RCL1: variants seen among roughly 807,000 people sequenced by gnomAD.
RCL1 encodes the protein RNA 3'-terminal phosphate cyclase-like protein.
Under a neutral mutation model 42.4 loss-of-function variants are expected in RCL1, and 24 were observed. The ratio of observed to expected loss-of-function variants is 0.57; its 90% CI spans 0.41 to 0.80. RCL1 has a LOEUF of 0.80. Among genes scored for constraint, RCL1 ranks in the 30% least tolerant of loss-of-function variants. RCL1 has a pLI of 0.00. For missense variants in RCL1, 578 were observed against 467.9 expected (o/e 1.24, Z -2.17); for synonymous variants, 228 against 177.3 (o/e 1.29, Z -2.27).
chr9:4,854,031 C>G (rs941520234), intron 8 of RCL1, among the ~76,000 whole-genome samples: 1 of 152,176 alleles, frequency 6.6e-6, no homozygotes, highest in Non-Finnish European at 1.5e-5. Flanking sequence ...TTGCACAGTA[C>G]CACTATGTCT....
intron 8 of RCL1, among the ~76,000 whole-genome samples, chr9:4,853,660 A>G (rs1181243513): frequency 6.6e-5 from 10 of 152,138 alleles, no homozygotes. Flanking sequence ...GATTCCATCC[A>G]TATCGCTGGA....
chr9:4,793,219 G>C lies in RCL1; in HGVS notation c.128G>C (p.Gly43Ala). ...RKIRARDDNP[G>A]LRDFEASFIR... Reference sequence around the variant, plus strand: ...ATTCGGGCCAGAGACGACAACCCGGGCCTCCGAGGTAACTTGGTGTGGGCG... The same window carrying C: ...ATTCGGGCCAGAGACGACAACCCGGCCCTCCGAGGTAACTTGGTGTGGGCG... The change falls in exon 1 of 9, where the codon GGC becomes GCC. Residue 43 changes from glycine (G) to alanine (A), a missense_variant. Gly to Ala is a moderately conservative substitution (Grantham distance 60). Transcript: ENST00000381750. The C allele has an allele frequency of 6.3e-7, 1 of 1,598,728 alleles. No individual in the cohort carries two copies. The highest frequency in any genetic ancestry group is 8.5e-7 in the Non-Finnish European group (1 of 1,172,706).
intron 4 of RCL1, 109 bp downstream of exon 4, chr9:4,833,337 C>A: frequency 1.2e-6 from 1 of 810,178 alleles, no homozygotes; most frequent in East Asian, 2.5e-5. Flanking sequence ...TTGAAGTCAC[C>A]AGTTATCAGA....
intron 7 of RCL1, 142 bp from the exon 8 acceptor site, chr9:4,849,305 T>C: frequency 3.1e-6 from 2 of 637,154 alleles, no homozygotes; most frequent in Non-Finnish European, 2.8e-6. Context: ...TGATTACTCT[T>C]ATAAGACCTG....
chr9:4,850,582 G>C (rs1183621844), intron 8 of RCL1, among the ~76,000 whole-genome samples: 2 of 149,754 alleles, frequency 1.3e-5, no homozygotes, highest in South Asian at 2.1e-4. Context: ...AGAGAGGGAA[G>C]ACTGATAAGC....
At chr9:4,826,014 G>T (rs75003071) in intron 2 of RCL1, among the ~76,000 whole-genome samples, 7,103 of 151,662 alleles carry the variant, frequency 0.047, 266 homozygotes, top group African/African-American at 0.1. Flanking sequence ...AGGATCACTT[G>T]AGCCCAAGAG....
At chr9:4,836,640 G>C (rs7860872) in intron 5 of RCL1, 25,468 of 151,774 alleles carry the variant, frequency 0.17, 2,443 homozygotes, top group South Asian at 0.34. Context: ...AAGCCTGCTT[G>C]TCAGGGCGGG....
Position 4,792,947 on chromosome 9 carries a change from C to A in RCL1, c.-145C>A. On this transcript the variant is annotated 5_prime_UTR_variant, in exon 1 of 9. Coordinates refer to ENST00000381750, the MANE Select transcript of RCL1 (RefSeq NM_005772.5). ...AGTCTCTCCGTCTTCCTGTTCCAAA[C>A]CACGTGGACGCGTCTGGGCTGCTGG... 1.2e-6 allele frequency: 1 copy of A among 820,880 alleles called. No individual in the cohort carries two copies. The highest frequency in any genetic ancestry group is 1.8e-6 in the Non-Finnish European group (1 of 552,678). The allele number at this position is 820,880 out of a possible 1,614,324, so 50.8% of individuals were successfully genotyped here. A position where few individuals can be genotyped will look rare whatever the true frequency, so the allele number is the denominator to read the frequency against.
At chr9:4,793,508 TC>T (rs1167390646) in intron 1 of RCL1, among the ~76,000 whole-genome samples, 2 of 152,166 alleles carry the variant, frequency 1.3e-5, no homozygotes, top group African/African-American at 4.8e-5. Context: ...TAGCAACAAA[TC>T]CCTGGCGTCG....
chr9:4,830,505 A>C (rs1467346527), intron 3 of RCL1, among the ~76,000 whole-genome samples: 4 of 152,204 alleles, frequency 2.6e-5, no homozygotes, highest in African/African-American at 9.6e-5. Flanking sequence ...AGAAATTTTA[A>C]AGAGAAGTTT....
Position 4,834,167 on chromosome 9 carries a change from A to T in RCL1, c.486A>T (p.Gly162=). The part of the protein sequence containing the change: ...LKIVRRGMPP[G]GGGEVVFSCP... ...TTGTGCGACGGGGAATGCCTCCCGG[A>T]GGAGGAGGCGAAGTGGTTTTCTCAT... The change falls in exon 5 of 9, where the codon GGA becomes GGT. Residue 162 remains glycine (G), a synonymous_variant. Transcript: ENST00000381750. 1 of 1,613,318 alleles carries T rather than the reference A, an allele frequency of 6.2e-7. No homozygotes were observed. The highest frequency in any genetic ancestry group is 1.3e-5 in the African/African-American group (1 of 74,954).
At chr9:4,808,741 CAG>C (rs778241075) in intron 1 of RCL1, among the ~76,000 whole-genome samples, 3 of 152,142 alleles carry the variant, frequency 2.0e-5, no homozygotes, top group Admixed American at 6.5e-5. Flanking sequence ...CAGCATAAAT[CAG>C]AGGATTAGGT....
At chr9:4,835,328 G>A (rs909343083) in intron 5 of RCL1, among the ~76,000 whole-genome samples, 1 of 152,202 alleles carries the variant, frequency 6.6e-6, no homozygotes, top group Non-Finnish European at 1.5e-5. Flanking sequence ...ATAGCTTCCT[G>A]GAAGCTCAGG....
intron 5 of RCL1, among the ~76,000 whole-genome samples, chr9:4,840,778 C>A (rs1817290907): frequency 6.6e-6 from 1 of 152,124 alleles, no homozygotes; most frequent in Non-Finnish European, 1.5e-5. Flanking sequence ...CGCCCAGGTC[C>A]TGTGTGGTGT....
At chr9:4,824,374 A>ATTTTTT (rs71326141) in intron 2 of RCL1, among the ~76,000 whole-genome samples, 7 of 120,290 alleles carry the variant, frequency 5.8e-5, no homozygotes, top group African/African-American at 9.2e-5. Context: ...TTCAGCCAGC[A>ATTTTTT]TTTTTTTTTT....
intron 1 of RCL1, 54 bp downstream of exon 1, chr9:4,793,281 A>T: frequency 6.5e-7 from 1 of 1,527,098 alleles, no homozygotes; most frequent in South Asian, 1.2e-5. Flanking sequence ...GGGGAGACCG[A>T]GCTGATGCCG....
At chr9:4,835,634 TAGGTTGTTA>T (rs1817098429) in intron 5 of RCL1, among the ~76,000 whole-genome samples, 2 of 152,324 alleles carry the variant, frequency 1.3e-5, no homozygotes, top group Non-Finnish European at 2.9e-5. Flanking sequence ...AGTGTTTTTG[TAGGTTGTTA>T]ATGTAGATGA....
At position 4,841,307 on chromosome 9, in the gene RCL1, A is replaced by G. The variant is rs753245461; in HGVS notation, c.660A>G (p.Ile220Met). 1.2e-6 allele frequency: 2 copies of G among 1,613,028 alleles called. No individual in the cohort carries two copies. The highest frequency in any genetic ancestry group is 1.7e-5 in the Admixed American group (1 of 59,990). ...CAAGGAGCATCCTCAACAAGTTCAT[A>G]CCTGATATCTATATTTACACAGATC... Reference protein sequence around the residue: ...DSARSILNKFIPDIYIYTDHM... With the variant: ...DSARSILNKFMPDIYIYTDHM... Residue 220 changes from isoleucine (I) to methionine (M), a missense_variant, in exon 6 of 9, where the codon ATA becomes ATG. Ile to Met is a conservative substitution (Grantham distance 10). Coordinates refer to ENST00000381750, the MANE Select transcript of RCL1 (RefSeq NM_005772.5).
At chr9:4,804,612 C>G (rs1563829112) in intron 1 of RCL1, 1 of 152,798 alleles carries the variant, frequency 6.5e-6, no homozygotes, top group African/African-American at 2.4e-5. Context: ...GGGGCCCACA[C>G]TCCCGGCTGT....
Sources: allele counts gnomAD v4.1 joint callset (sites outside exome capture counted in the v4.1 genomes callset), GRCh38; gene constraint gnomAD v4.1.1; transcripts MANE v1.5; gene names NCBI Gene and HGNC (gene_info 2026-07-23, HGNC 2026-07-21).